The following RASGRF1 variants were observed in gnomAD, a reference collection of about 807,000 sequenced individuals.
RASGRF1 encodes the protein Ras protein specific guanine nucleotide releasing factor 1.
RASGRF1 carries 40 observed loss-of-function variants against 138.7 expected under a neutral mutation model. The observed-to-expected ratio is 0.29, with a 90% CI of 0.22 to 0.38. The LOEUF is 0.38. RASGRF1 is among the 10% of genes least tolerant of loss of function. The pLI, the probability that RASGRF1 is intolerant of heterozygous loss-of-function variation, is 1.00. For missense variants in RASGRF1, 1,108 were observed against 1,650.4 expected (o/e 0.67, Z 5.69); for synonymous variants, 614 against 663.2 (o/e 0.93, Z 1.14).
intron 24 of RASGRF1, among the ~76,000 whole-genome samples, chr15:78,974,943 C>A (rs754078939): frequency 6.6e-6 from 1 of 152,230 alleles, no homozygotes; most frequent in African/African-American, 2.4e-5. Flanking sequence ...TAGGTAAACA[C>A]AAATACAGTT....
intron 22 of RASGRF1, among the ~76,000 whole-genome samples, chr15:78,988,154 A>G (rs1337686924): frequency 6.6e-6 from 1 of 152,208 alleles, no homozygotes; most frequent in East Asian, 1.9e-4. Flanking sequence ...TCTGCTGTGT[A>G]ATGTTGGGGA....
In RASGRF1 at chr15:79,032,601, A is replaced by G. The variant is rs1436325834; in HGVS notation, c.959-285T>C. ...TGGGAGTGTCAGAGAGAGGAGGTAG[A>G]GTGGGCGCTGTGGGGTGCCACCTGG... On this transcript the variant is annotated intron_variant, in intron 6 of 26. Transcript: ENST00000558480. The surrounding 1 kb of genome is among the most constrained non-coding windows in gnomAD (Gnocchi z 4.5). Among the ~76,000 whole-genome samples, 2 of 152,208 alleles carry G rather than the reference A, an allele frequency of 1.3e-5. No individual in the cohort carries two copies. Among genetic ancestry groups the G allele is most frequent in the African/African-American group, 2.4e-5 (1 of 41,532 alleles).
At chr15:78,967,008 TA>T (rs397854328) in intron 26 of RASGRF1, among the ~76,000 whole-genome samples, 5,822 of 151,552 alleles carry the variant, frequency 0.038, 163 homozygotes, top group Non-Finnish European at 0.065. Flanking sequence ...TTTTTGCTTT[TA>T]AAAAAAAATG....
chr15:78,979,121 C>T (rs1172022926), intron 24 of RASGRF1: 2 of 1,289,854 alleles, frequency 1.6e-6, no homozygotes, highest in Non-Finnish European at 2.0e-6. Flanking sequence ...GAGGGGGCAG[C>T]TCCCCACAAG....
rs759866623 is a variant in RASGRF1, at chr15:78,973,259, G to A, written c.3612+44C>T. ...GGTGGGCCCCAGGTTGAGTCATCTG[G>A]GCTTCAACGCCCCCCTTCCCCTGCC... On this transcript the variant is annotated intron_variant, in intron 25 of 26. Coordinates refer to ENST00000558480, the MANE Select transcript of RASGRF1 (RefSeq NM_001145648.3). This position sits in a 1 kb window ranked among gnomAD's most constrained non-coding sequence, Gnocchi z 4.9. The A allele has an allele frequency of 3.4e-6, 5 of 1,479,014 alleles. No individual in the cohort carries two copies. The highest frequency in any genetic ancestry group is 2.8e-6 in the Non-Finnish European group (3 of 1,072,410). 91.6% of individuals were successfully genotyped at this position (1,479,014 alleles called of 1,614,324 possible).
At chr15:78,989,252 GT>G (rs2056222329) in intron 22 of RASGRF1, among the ~76,000 whole-genome samples, 1 of 152,174 alleles carries the variant, frequency 6.6e-6, no homozygotes, top group Non-Finnish European at 1.5e-5. Context: ...GCCAATCAGA[GT>G]CAGTCCAGGC....
intron 26 of RASGRF1, among the ~76,000 whole-genome samples, chr15:78,964,149 A>C (rs143666454): frequency 0.016 from 2,475 of 152,132 alleles, 30 homozygotes; most frequent in Non-Finnish European, 0.028. Flanking sequence ...TTAATGAAAG[A>C]AGTCTGAGGA....
rs1169895173 is a variant in RASGRF1 at position 79,005,672 on chromosome 15, TC to T, written c.2075+513del. ...GTAGGCCAAAAAGGGCTCCATCATT[TC>T]TTAGAGTAGGAGGTGGTCTAAGCAA... On this transcript the variant is annotated intron_variant, in intron 14 of 26. Transcript: ENST00000558480. 5 of 980,888 alleles carry T rather than the reference TC, an allele frequency of 5.1e-6. No homozygotes were observed. In the African/African-American group the frequency reaches 8.8e-5, roughly 17 times the overall value. 60.8% of individuals were successfully genotyped at this position (980,888 alleles called of 1,614,324 possible). A position where few individuals can be genotyped will look rare whatever the true frequency, so the allele number is the denominator to read the frequency against.
chr15:79,016,812 G>A (rs1177354359), intron 12 of RASGRF1, among the ~76,000 whole-genome samples: 1 of 152,190 alleles, frequency 6.6e-6, no homozygotes, highest in East Asian at 1.9e-4. Flanking sequence ...AAACCAAGAA[G>A]GTGGGGAGCA....
chr15:79,049,860 G>A (rs933011262), intron 3 of RASGRF1, among the ~76,000 whole-genome samples: 11 of 152,314 alleles, frequency 7.2e-5, no homozygotes, highest in Admixed American at 3.3e-4. Flanking sequence ...GACCTTGGAC[G>A]AAGCCCTTCT....
At chr15:79,009,414 A>G (rs2056748589) in intron 13 of RASGRF1, among the ~76,000 whole-genome samples, 1 of 152,228 alleles carries the variant, frequency 6.6e-6, no homozygotes, top group Non-Finnish European at 1.5e-5. Context: ...GAAGGGGCTC[A>G]GTAACTGTCT....
In RASGRF1 at chr15:78,998,086, C is replaced by T; in HGVS notation, c.2966+10G>A. The T allele has an allele frequency of 6.2e-7, 1 of 1,602,552 alleles. No homozygotes were observed. Among genetic ancestry groups the T allele is most frequent in the South Asian group, 1.1e-5 (1 of 90,820 alleles). On this transcript the variant is annotated intron_variant, in intron 19 of 26. Coordinates refer to ENST00000558480, the MANE Select transcript of RASGRF1 (RefSeq NM_001145648.3). ...GCAGTTCTGAGCCAGGAACCAGGTA[C>T]TGCCTTTACCTGATGATGTTGGCTG...
At chr15:78,994,068 A>G (rs1022233337) in intron 20 of RASGRF1, among the ~76,000 whole-genome samples, 6 of 152,224 alleles carry the variant, frequency 3.9e-5, no homozygotes, top group African/African-American at 1.4e-4. Flanking sequence ...ACGAAGGAAC[A>G]AGGGGCCCTC....
At chr15:79,063,494 A>G (rs2057636208) in intron 2 of RASGRF1, among the ~76,000 whole-genome samples, 1 of 152,130 alleles carries the variant, frequency 6.6e-6, no homozygotes, top group Admixed American at 6.5e-5. Flanking sequence ...TTAATTCACC[A>G]TTTATCTTCC....
At chr15:78,990,295 C>T in intron 21 of RASGRF1, 22 bp from the exon 22 acceptor site, 1 of 1,513,944 alleles carries the variant, frequency 6.6e-7, no homozygotes, top group African/African-American at 1.4e-5. Flanking sequence ...AAGGGGAGAC[C>T]CAGGTGGAGG....
chr15:79,034,314 G>A (rs907407186), intron 6 of RASGRF1, among the ~76,000 whole-genome samples: 1 of 152,180 alleles, frequency 6.6e-6, no homozygotes, highest in South Asian at 2.1e-4. Context: ...GACATTTGGT[G>A]TAGGTTGAGG....
intron 8 of RASGRF1, among the ~76,000 whole-genome samples, chr15:79,029,389 G>C (rs1437984812): frequency 6.6e-6 from 1 of 152,158 alleles, no homozygotes; most frequent in Non-Finnish European, 1.5e-5. Flanking sequence ...CCTGTGTTTG[G>C]TAAAACACAA....
intron 25 of RASGRF1, among the ~76,000 whole-genome samples, chr15:78,972,295 C>A (rs1301809096): frequency 1.3e-5 from 2 of 151,868 alleles, no homozygotes; most frequent in Non-Finnish European, 2.9e-5. Flanking sequence ...GGGGTTTCAC[C>A]ATGTTGACCA....
chr15:79,031,170 C>G (rs918586153), intron 8 of RASGRF1, among the ~76,000 whole-genome samples: 30 of 152,216 alleles, frequency 2.0e-4, no homozygotes, highest in African/African-American at 7.0e-4. Flanking sequence ...CGGGCCCTAT[C>G]TGTGCCAGGG....
Sources: gnomAD v4.1 joint callset for allele counts (sites outside exome capture counted in the v4.1 genomes callset) on GRCh38, gnomAD v4.1.1 for gene constraint, Gnocchi (gnomAD v3.1) non-coding constraint, MANE v1.5 for transcripts, NCBI Gene and HGNC (gene_info 2026-07-23, HGNC 2026-07-21) for gene names.